Variants in BRD10 observed in about 807,000 individuals in gnomAD.
BRD10 encodes the protein uncharacterized bromodomain-containing protein 10.
the BRD10 span, chr9:5,906,863 C>G: frequency 6.8e-7 from 1 of 1,477,786 alleles, no homozygotes; most frequent in South Asian, 1.3e-5. Flanking sequence ...CACCCACTCA[C>G]CTTTATCAAT....
At chr9:5,937,178 G>A in the BRD10 span, among the ~76,000 whole-genome samples, 3 of 149,680 alleles carry the variant, frequency 2.0e-5, no homozygotes, top group African/African-American at 7.4e-5. Context: ...GCAGTGAGCC[G>A]AGATCATGCC....
chr9:5,902,680 T>TTA, the BRD10 span, among the ~76,000 whole-genome samples: 3 of 151,884 alleles, frequency 2.0e-5, no homozygotes, highest in Non-Finnish European at 2.9e-5. Context: ...TTTTTTTTTT[T>TTA]TTAATTTGTA....
At chr9:5,920,732 G>C in the BRD10 span, 1 of 1,613,892 alleles carries the variant, frequency 6.2e-7, no homozygotes, top group Non-Finnish European at 8.5e-7. Context: ...TATTTTAGGG[G>C]ATGTAGTCGC....
chr9:5,910,690 T>C, the BRD10 span: 1 of 152,232 alleles, frequency 6.6e-6, no homozygotes, highest in Non-Finnish European at 1.5e-5. Flanking sequence ...GTGATGGACA[T>C]GGAGACTTGG....
the BRD10 span, among the ~76,000 whole-genome samples, chr9:5,881,439 T>C: frequency 2.0e-5 from 3 of 152,168 alleles, no homozygotes; most frequent in Non-Finnish European, 4.4e-5. Context: ...AAAATGCTCA[T>C]CACTTTTAAG....
At chr9:5,883,493 T>G in the BRD10 span, among the ~76,000 whole-genome samples, 3 of 112,618 alleles carry the variant, frequency 2.7e-5, no homozygotes, top group Admixed American at 1.2e-4. Flanking sequence ...TGAGACAGGG[T>G]CTTGCTCTTT....
the BRD10 span, chr9:5,920,761 C>T: frequency 1.0e-4 from 167 of 1,613,734 alleles, no homozygotes; most frequent in Middle Eastern, 6.6e-4. Flanking sequence ...GTAAGGCAAC[C>T]GTAACAGGAA....
At chr9:5,932,574 G>T in the BRD10 span, among the ~76,000 whole-genome samples, 5 of 152,146 alleles carry the variant, frequency 3.3e-5, no homozygotes, top group African/African-American at 1.2e-4. Flanking sequence ...AAAGTCTACA[G>T]GAGGATGTGT....
chr9:5,883,527 G>A, the BRD10 span, among the ~76,000 whole-genome samples: 8 of 144,144 alleles, frequency 5.6e-5, no homozygotes, highest in Non-Finnish European at 1.2e-4. Flanking sequence ...GTGTAGTGGT[G>A]CAATCATAGC....
the BRD10 span, among the ~76,000 whole-genome samples, chr9:5,946,881 C>G: frequency 2.6e-5 from 4 of 152,030 alleles, no homozygotes; most frequent in African/African-American, 9.7e-5. Flanking sequence ...ATTTTGAGAT[C>G]TTTTAATTAC....
the BRD10 span, among the ~76,000 whole-genome samples, chr9:5,998,128 T>C: frequency 6.6e-6 from 1 of 152,102 alleles, no homozygotes; most frequent in African/African-American, 2.4e-5. Flanking sequence ...AGAAAAGTTC[T>C]GTTTTGAACA....
chr9:5,892,622 A>G, the BRD10 span: 2 of 1,234,924 alleles, frequency 1.6e-6, no homozygotes, highest in South Asian at 1.4e-5. Flanking sequence ...GACTTCCACC[A>G]GTACATGCCT....
chr9:6,004,485 T>C, the BRD10 span, among the ~76,000 whole-genome samples: 1 of 152,234 alleles, frequency 6.6e-6, no homozygotes, highest in Non-Finnish European at 1.5e-5. Flanking sequence ...CTAATGAGAA[T>C]GTGGTATCCT....
At chr9:5,895,017 T>C in the BRD10 span, among the ~76,000 whole-genome samples, 2 of 152,154 alleles carry the variant, frequency 1.3e-5, no homozygotes, top group Non-Finnish European at 2.9e-5. Context: ...TATCTGACAT[T>C]TTCCTTGAGA....
At chr9:5,932,534 T>A in the BRD10 span, among the ~76,000 whole-genome samples, 8 of 152,196 alleles carry the variant, frequency 5.3e-5, no homozygotes, top group South Asian at 1.7e-3. Flanking sequence ...TACATTGTAG[T>A]AGATATTATA....
chr9:5,908,703 C>T, the BRD10 span: 1 of 1,613,686 alleles, frequency 6.2e-7, no homozygotes, highest in Non-Finnish European at 8.5e-7. Context: ...ACCTTATTCA[C>T]CTTAAGAGCC....
the BRD10 span, among the ~76,000 whole-genome samples, chr9:5,945,862 T>A: frequency 6.6e-6 from 1 of 152,022 alleles, no homozygotes; most frequent in East Asian, 1.9e-4. Context: ...AAATCTCAGA[T>A]TAATGAAAAG....
chr9:5,919,651 C>T, the BRD10 span: 2 of 1,551,178 alleles, frequency 1.3e-6, no homozygotes, highest in Non-Finnish European at 1.7e-6. Context: ...AACAATGCCC[C>T]ATTATTTAAA....
At chr9:5,926,541 A>AT in the BRD10 span, among the ~76,000 whole-genome samples, 6 of 151,316 alleles carry the variant, frequency 4.0e-5, no homozygotes, top group South Asian at 2.1e-4. Flanking sequence ...TTATTTATTT[A>AT]TTTTTTTTGA....
Sources: gnomAD v4.1 joint callset for allele counts (sites outside exome capture counted in the v4.1 genomes callset) on GRCh38, gnomAD v4.1.1 for gene constraint, MANE v1.5 for transcripts, NCBI Gene and HGNC (gene_info 2026-07-23, HGNC 2026-07-21) for gene names.